Variants in AKT3 observed in about 807,000 individuals in gnomAD.
AKT3 encodes the protein RAC-gamma serine/threonine-protein kinase.
A neutral mutation model predicts 65.3 loss-of-function variants in AKT3; 15 were observed. The ratio of observed to expected loss-of-function variants is 0.23; its 90% CI spans 0.15 to 0.35. The LOEUF (loss-of-function observed/expected upper bound fraction) is 0.35, where lower values mean the gene tolerates loss of function less well. AKT3 is among the 10% of genes least tolerant of loss of function. The probability of loss-of-function intolerance (pLI) is 1.00; values close to 1 mark genes in which losing one functional copy is unlikely to be tolerated. For missense variants in AKT3, 243 were observed against 576.5 expected, an observed-to-expected ratio of 0.42 and a Z score of 5.92; for synonymous variants, 206 against 183.8, an observed-to-expected ratio of 1.12 and a Z score of -0.98.
chr1:243,783,164 G>C (rs1456560133), intron 2 of AKT3, among the ~76,000 whole-genome samples: 1 of 105,010 alleles, frequency 9.5e-6, no homozygotes, highest in Admixed American at 1.1e-4. Context: ...GGTGAGTGGG[G>C]TCCCTAGATC....
chr1:243,660,843 G>A (rs1241217754), intron 4 of AKT3, among the ~76,000 whole-genome samples: 1 of 152,182 alleles, frequency 6.6e-6, no homozygotes, highest in Non-Finnish European at 1.5e-5. Flanking sequence ...TCCTTAAGCT[G>A]ATAAGCAACT....
chr1:243,500,490 A>AT lies in AKT3; in HGVS notation c.*4758dup. ...AGAAAATTTACTTAGAGTATATCAA[A>AT]TATCTGTACACAGATAATTATTTGT... On this transcript the variant is annotated 3_prime_UTR_variant, in exon 14 of 14. Coordinates refer to ENST00000673466, the MANE Select transcript of AKT3 (RefSeq NM_005465.7). 4.4e-6 allele frequency: 1 copy of AT among 226,344 alleles called. No individual in the cohort carries two copies. The highest frequency in any genetic ancestry group is 8.8e-6 in the Non-Finnish European group (1 of 113,888). 14.0% of individuals were successfully genotyped at this position (226,344 alleles called of 1,614,324 possible). A position where few individuals can be genotyped will look rare whatever the true frequency, so the allele number is the denominator to read the frequency against.
intron 6 of AKT3, among the ~76,000 whole-genome samples, chr1:243,622,119 C>T (rs1678802699): frequency 6.6e-6 from 1 of 152,196 alleles, no homozygotes; most frequent in Non-Finnish European, 1.5e-5. Context: ...CATCCTACAC[C>T]ATTCTTGTTC....
At chr1:243,769,169 G>A (rs1690016906) in intron 2 of AKT3, among the ~76,000 whole-genome samples, 2 of 152,018 alleles carry the variant, frequency 1.3e-5, no homozygotes, top group African/African-American at 4.8e-5. Context: ...TTTTCTGTCT[G>A]AATAATGCTC....
chr1:243,499,717 C>T (rs763243770), downstream of AKT3: 1 of 1,491,246 alleles, frequency 6.7e-7, no homozygotes, highest in Non-Finnish European at 9.4e-7. Context: ...CATTGAAGAA[C>T]ATGAGCTATT....
At chr1:243,583,859 C>T (rs1158233358) in intron 8 of AKT3, among the ~76,000 whole-genome samples, 1 of 151,846 alleles carries the variant, frequency 6.6e-6, no homozygotes, top group Non-Finnish European at 1.5e-5. Context: ...ATGCCTACCT[C>T]AAAACATTAG....
chr1:243,520,202 G>A (rs1009041727), intron 12 of AKT3, among the ~76,000 whole-genome samples: 5 of 152,162 alleles, frequency 3.3e-5, no homozygotes, highest in African/African-American at 1.2e-4. Context: ...TCTTAACTCA[G>A]TCTGGTATCT....
intron 4 of AKT3, among the ~76,000 whole-genome samples, chr1:243,658,840 C>T (rs1572118376): frequency 9.8e-6 from 1 of 102,520 alleles, no homozygotes; most frequent in Non-Finnish European, 1.9e-5. Context: ...CAAGCCCTGG[C>T]AACACAGAGA....
rs558567069 is a variant in AKT3, at chr1:243,521,554, T to G, written c.1252-9128A>C. On this transcript the variant is annotated intron_variant, in intron 12 of 13. Coordinates refer to ENST00000673466, the MANE Select transcript of AKT3 (RefSeq NM_005465.7). ...AAGCTGTGCCATACCAATGAATTCT[T>G]CTTGACATAAAACTAGAAACTAAAA... Among the ~76,000 whole-genome samples, 54 of 152,242 alleles carry G rather than the reference T, an allele frequency of 3.5e-4. 1 individual carries two copies. The highest frequency in any genetic ancestry group is 7.1e-4 in the Non-Finnish European group (48 of 68,040).
intron 11 of AKT3, chr1:243,548,128 G>C (rs1173803538): frequency 6.6e-6 from 1 of 152,166 alleles, no homozygotes; most frequent in African/African-American, 2.4e-5. Context: ...AGAAGCAAAA[G>C]CACCAAAACA....
chr1:243,523,353 G>T (rs1362594939), intron 12 of AKT3, among the ~76,000 whole-genome samples: 1 of 151,044 alleles, frequency 6.6e-6, no homozygotes, highest in Admixed American at 6.6e-5. Context: ...TTGCAGGTTT[G>T]TACTGGGCAG....
At chr1:243,762,919 C>CA (rs1459515876) in intron 2 of AKT3, among the ~76,000 whole-genome samples, 1 of 151,880 alleles carries the variant, frequency 6.6e-6, no homozygotes, top group Non-Finnish European at 1.5e-5. Context: ...CTTATGAAAG[C>CA]AAAAAATTGA....
At chr1:243,518,869 TAAG>T (rs900486876) in intron 12 of AKT3, among the ~76,000 whole-genome samples, 1 of 152,186 alleles carries the variant, frequency 6.6e-6, no homozygotes, top group African/African-American at 2.4e-5. Context: ...TTTGAGGGAC[TAAG>T]AAGGATAAGA....
chr1:243,694,976 T>A (rs1173090011), intron 3 of AKT3, among the ~76,000 whole-genome samples: 1 of 152,050 alleles, frequency 6.6e-6, no homozygotes, highest in Non-Finnish European at 1.5e-5. Flanking sequence ...TTAATCAATA[T>A]ATTTGAAGAG....
intron 8 of AKT3, among the ~76,000 whole-genome samples, chr1:243,595,908 C>T (rs2125232): frequency 0.52 from 79,643 of 151,974 alleles, 24,073 homozygotes; most frequent in Non-Finnish European, 0.68. Flanking sequence ...AGAAGTAACA[C>T]AGTCATGTAC....
At chr1:243,770,604 C>T (rs1190230437) in intron 2 of AKT3, among the ~76,000 whole-genome samples, 1 of 152,026 alleles carries the variant, frequency 6.6e-6, no homozygotes, top group African/African-American at 2.4e-5. Context: ...AAAAGCCTTA[C>T]AACCAAAATG....
intron 2 of AKT3, among the ~76,000 whole-genome samples, chr1:243,783,462 C>T (rs1273955173): frequency 6.6e-6 from 1 of 152,076 alleles, no homozygotes; most frequent in Non-Finnish European, 1.5e-5. Flanking sequence ...GTACCTCACC[C>T]TATATCTTCA....
At chr1:243,511,595 A>G (rs1025402575) in intron 13 of AKT3, among the ~76,000 whole-genome samples, 9 of 152,222 alleles carry the variant, frequency 5.9e-5, no homozygotes, top group African/African-American at 2.2e-4. Flanking sequence ...CAGCCATCCA[A>G]ATATTGCCCT....
intron 12 of AKT3, among the ~76,000 whole-genome samples, chr1:243,544,432 G>A (rs1340167139): frequency 6.6e-6 from 1 of 151,822 alleles, no homozygotes; most frequent in Non-Finnish European, 1.5e-5. Context: ...GTACCATACT[G>A]GGAAACATGG....
Sources: gnomAD v4.1 joint callset for allele counts (sites outside exome capture counted in the v4.1 genomes callset) on GRCh38, gnomAD v4.1.1 for gene constraint, MANE v1.5 for transcripts, NCBI Gene and HGNC (gene_info 2026-07-23, HGNC 2026-07-21) for gene names.